Variants in SOS2 observed in about 807,000 individuals in gnomAD.
The protein encoded by SOS2 is son of sevenless homolog 2.
A neutral mutation model predicts 148.2 loss-of-function variants in SOS2; 65 were observed. That is an observed-to-expected ratio of 0.44 (90% confidence interval 0.36 to 0.54). The LOEUF (loss-of-function observed/expected upper bound fraction) is 0.54, where lower values mean the gene tolerates loss of function less well. SOS2 is among the 20% of genes least tolerant of loss of function. The probability of loss-of-function intolerance (pLI) is 0.00; values close to 1 mark genes in which losing one functional copy is unlikely to be tolerated. For missense variants in SOS2, 1,341 were observed against 1,590.2 expected (o/e 0.84, Z 2.67); for synonymous variants, 539 against 537.1 (o/e 1.00, Z -0.05).
chr14:50,133,803 C>T (rs1469574412), intron 19 of SOS2, among the ~76,000 whole-genome samples: 2 of 152,200 alleles, frequency 1.3e-5, no homozygotes, highest in Admixed American at 6.5e-5. Context: ...AATACATTTG[C>T]TTACTCCTTC....
At position 50,118,787 on chromosome 14, in the gene SOS2, T is replaced by C; in HGVS notation, c.3556A>G (p.Lys1186Glu). The change falls in exon 23 of 23, where the codon AAA becomes GAA. Residue 1186 changes from lysine to glutamate, a missense_variant. This residue lies in a region of SOS2 where 354 missense variants were observed against 347.7 expected (regional missense o/e 1.02). Transcript: ENST00000216373. ...CCAGTAGGAACAGGAACTCTGGGTT[T>C]TACCTTTGGAGGAGGAGGCTGTCTC... is the stretch of plus-strand genomic sequence containing the variant. ...PPRQPPPPKV[K>E]PRVPVPTGAF... 1 of 1,577,802 alleles carries C rather than the reference T, an allele frequency of 6.3e-7. No homozygotes were observed. The highest frequency in any genetic ancestry group is 8.6e-7 in the Non-Finnish European group (1 of 1,157,434).
rs534152605 is a variant in SOS2, at chr14:50,204,232, T to C, written c.213+52A>G. On this transcript the variant is annotated intron_variant, in intron 2 of 22. Coordinates refer to ENST00000216373, the MANE Select transcript of SOS2 (RefSeq NM_006939.4). ...AATTAGAATGATATAGATACAAAAATTAATTCATACAGTGGTTGAGTGACT... is the reference window on the plus strand; with the variant it reads ...AATTAGAATGATATAGATACAAAAACTAATTCATACAGTGGTTGAGTGACT... The C allele has an allele frequency of 2.6e-6, 3 of 1,133,168 alleles. No homozygotes were observed. The African/African-American group carries it at 4.8e-5, about 18-fold the overall frequency. 70.2% of individuals were successfully genotyped at this position (1,133,168 alleles called of 1,614,324 possible).
At chr14:50,227,123 T>G (rs1244285597) in intron 1 of SOS2, among the ~76,000 whole-genome samples, 1 of 152,198 alleles carries the variant, frequency 6.6e-6, no homozygotes, top group African/African-American at 2.4e-5. Context: ...ATGATCTAGG[T>G]GAGGTTCTAT....
intron 20 of SOS2, 119 bp from the exon 21 acceptor site, chr14:50,130,121 TGTTA>T: frequency 1.5e-6 from 1 of 650,880 alleles, no homozygotes; most frequent in East Asian, 2.9e-5. Flanking sequence ...TCTTTTGCCA[TGTTA>T]GTTTTTTAAA....
At chr14:50,149,434 G>A (rs1884592793) in intron 14 of SOS2, among the ~76,000 whole-genome samples, 1 of 151,776 alleles carries the variant, frequency 6.6e-6, no homozygotes, top group South Asian at 2.1e-4. Flanking sequence ...ACTCATATAT[G>A]AAAACTAAAA....
chr14:50,155,315 C>T (rs1209885403), intron 12 of SOS2, among the ~76,000 whole-genome samples: 1 of 152,118 alleles, frequency 6.6e-6, no homozygotes, highest in Non-Finnish European at 1.5e-5. Context: ...CAATTCCATA[C>T]AGGTAATCTC....
chr14:50,207,453 G>A (rs1319850564), intron 1 of SOS2, among the ~76,000 whole-genome samples: 2 of 152,008 alleles, frequency 1.3e-5, no homozygotes, highest in Admixed American at 6.6e-5. Context: ...CAAGGCTACA[G>A]TGAGACATGA....
chr14:50,201,581 A>G (rs1208011942), intron 2 of SOS2, among the ~76,000 whole-genome samples: 1 of 151,856 alleles, frequency 6.6e-6, no homozygotes, highest in South Asian at 2.1e-4. Flanking sequence ...ATTTTTCCAC[A>G]TAATTTTCAT....
At chr14:50,129,847 T>C in intron 21 of SOS2, 114 bp downstream of exon 21, 1 of 626,884 alleles carries the variant, frequency 1.6e-6, no homozygotes, top group South Asian at 2.1e-5. Context: ...ATTAAATTTA[T>C]TTATAACTTT....
chr14:50,143,469 ACT>A (rs1170596995), intron 16 of SOS2, among the ~76,000 whole-genome samples: 7 of 151,996 alleles, frequency 4.6e-5, no homozygotes, highest in Admixed American at 2.0e-4. Flanking sequence ...AACAAGTTTC[ACT>A]CTGTTGCCCA....
At chr14:50,210,623 A>G (rs906228791) in intron 1 of SOS2, among the ~76,000 whole-genome samples, 5 of 152,130 alleles carry the variant, frequency 3.3e-5, no homozygotes, top group African/African-American at 9.7e-5. Flanking sequence ...TGGAGAAGAT[A>G]TATGTAGTAC....
In SOS2 at chr14:50,150,149, T is replaced by G. The variant is rs773047395; in HGVS notation, c.2243A>C (p.His748Pro). 6.2e-7 allele frequency: 1 copy of G among 1,613,508 alleles called. No individual in the cohort carries two copies. The highest frequency in any genetic ancestry group is 8.5e-7 in the Non-Finnish European group (1 of 1,179,408). The change falls in exon 14 of 23, where the codon CAT becomes CCT. Residue 748 changes from histidine to proline, a missense_variant. His to Pro is a moderately conservative substitution (Grantham distance 77). Coordinates refer to ENST00000216373, the MANE Select transcript of SOS2 (RefSeq NM_006939.4). ...KKQAQANGVS[H>P]NITFESPPPP... ...AGGTGGACTTTCAAAGGTAATATTA[T>G]GGCTTACTCCGTTTGCCTGAGCTTG...
chr14:50,151,484 A>G (rs1233311137), intron 13 of SOS2, among the ~76,000 whole-genome samples: 1 of 152,180 alleles, frequency 6.6e-6, no homozygotes, highest in African/African-American at 2.4e-5. Flanking sequence ...TAGGTTTATT[A>G]TTTTACTAGG....
rs548823909 is a variant in SOS2 at position 50,223,744 on chromosome 14, G to A, written c.87+7453C>T. On this transcript the variant is annotated intron_variant, in intron 1 of 22. Coordinates refer to ENST00000216373, the MANE Select transcript of SOS2 (RefSeq NM_006939.4). ...CCTGTAGTCCCAGCTATATGGGGGC[G>A]GCAGGGGGGTGAGGTGGGAGGATCA... Among the ~76,000 whole-genome samples, 18 of 152,128 alleles carry A rather than the reference G, an allele frequency of 1.2e-4. No individual in the cohort carries two copies. The South Asian group carries it at 3.5e-3, about 30-fold the overall frequency.
chr14:50,171,581 G>A lies in SOS2; in HGVS notation c.1068+2873C>T, dbSNP rs576960697. 2.7e-5 allele frequency among the ~76,000 whole-genome samples: 4 copies of A among 150,904 alleles called. No homozygotes were observed. The South Asian group carries it at 6.3e-4, about 24-fold the overall frequency. ...CACCTGTAGTCCCAGCTACTCAGGA[G>A]GCTGAGGCAGAAGAACTGCTTGAAC... On this transcript the variant is annotated intron_variant, in intron 8 of 22. Transcript: ENST00000216373.
chr14:50,187,539 C>T (rs552679640), intron 5 of SOS2, among the ~76,000 whole-genome samples: 65 of 151,610 alleles, frequency 4.3e-4, no homozygotes, highest in African/African-American at 1.5e-3. Context: ...TTAGTGGAGA[C>T]GGGGTTTCAC....
At chr14:50,207,475 C>T (rs889675687) in intron 1 of SOS2, among the ~76,000 whole-genome samples, 39 of 151,900 alleles carry the variant, frequency 2.6e-4, no homozygotes, top group Non-Finnish European at 4.4e-4. Flanking sequence ...GGTGCCACTG[C>T]GCTCCAGCCT....
chr14:50,169,050 G>A (rs1255748628), intron 8 of SOS2, among the ~76,000 whole-genome samples: 2 of 152,024 alleles, frequency 1.3e-5, no homozygotes, highest in African/African-American at 2.4e-5. Context: ...AGTGGCTCAC[G>A]CCTGTAATCC....
chr14:50,160,206 AG>A (rs1555370150), intron 9 of SOS2, 120 bp from the exon 10 acceptor site: 1 of 376,790 alleles, frequency 2.7e-6, no homozygotes, highest in Non-Finnish European at 4.3e-6. Flanking sequence ...TTTTACGCAC[AG>A]CATTTAGTTC....
Sources: gnomAD v4.1 joint callset for allele counts (sites outside exome capture counted in the v4.1 genomes callset) on GRCh38, gnomAD v4.1.1 for gene constraint, gnomAD v4.1.1 regional missense constraint, MANE v1.5 for transcripts, NCBI Gene and HGNC (gene_info 2026-07-23, HGNC 2026-07-21) for gene names.